The following STRADA variants were observed in gnomAD, a reference collection of about 807,000 sequenced individuals.
The protein encoded by STRADA is STE20-related kinase adapter protein alpha.
A neutral mutation model predicts 55.0 loss-of-function variants in STRADA; 26 were observed. The observed-to-expected ratio is 0.47, with a 90% confidence interval of 0.35 to 0.66. The LOEUF (loss-of-function observed/expected upper bound fraction) is 0.66, where lower values mean the gene tolerates loss of function less well. Ranked by LOEUF, STRADA falls within the 30% of genes least tolerant of loss-of-function variation. The pLI is 0.01. For missense variants in STRADA, 443 were observed against 549.7 expected (o/e 0.81, Z 1.94); for synonymous variants, 197 against 210.9 (o/e 0.93, Z 0.57).
rs57585655 is a variant in STRADA, at chr17:63,740,147, TACACAC to T, written c.-45+1588_-45+1593del. 1.2e-3 allele frequency among the ~76,000 whole-genome samples: 81 copies of T among 66,998 alleles called. 10 individuals are homozygous for T. The East Asian group carries it at 0.027, about 22-fold the overall frequency. 44.0% of individuals were successfully genotyped at this position (66,998 alleles called of 152,430 possible). On this transcript the variant is annotated intron_variant, in intron 1 of 12. Transcript: ENST00000336174. ...ATATATACACATACATATATATATA[TACACAC>T]ACACACACACACACACACACACACA...
At chr17:63,740,107 T>TATATATATATATATATATATATATACAC (rs1309095081) in intron 1 of STRADA, among the ~76,000 whole-genome samples, 558 of 49,446 alleles carry the variant, frequency 0.011, 51 homozygotes, top group African/African-American at 0.013. Flanking sequence ...TATATATATA[T>TATATATATATATATATATATATATACAC]ACATACATAC....
At chr17:63,734,885 C>T (rs566059248) in intron 1 of STRADA, among the ~76,000 whole-genome samples, 2 of 152,232 alleles carry the variant, frequency 1.3e-5, no homozygotes, top group South Asian at 2.1e-4. Context: ...TGGCTGGGCA[C>T]GGTGGCTCAC....
chr17:63,710,516 T>C lies in STRADA; in HGVS notation c.556A>G (p.Ile186Val), dbSNP rs974536314. Reference protein sequence around the residue: ...LQGVLKALDYIHHMGYVHRSV... With the variant: ...LQGVLKALDYVHHMGYVHRSV... ...CTGTGTACATATCCCATGTGGTGGA[T>C]GTAGTCGAGGGCCTTCAGCACCCCC... Residue 186 changes from isoleucine to valine, a missense_variant, in exon 8 of 13, where the codon ATC becomes GTC. By Grantham distance (29) the Ile-to-Val change is conservative. Transcript: ENST00000336174. 2.5e-6 allele frequency: 4 copies of C among 1,613,896 alleles called. No homozygotes were observed. Among genetic ancestry groups the C allele is most frequent in the Middle Eastern group, 3.3e-4 (2 of 5,986 alleles).
At chr17:63,704,690 G>A (rs948637604) in intron 10 of STRADA, 108 bp from the exon 11 acceptor site, 25 of 1,505,900 alleles carry the variant, frequency 1.7e-5, no homozygotes, top group African/African-American at 9.7e-5. Context: ...ATATGCAAAT[G>A]TGATCATTTG....
rs776375132 is a variant in STRADA, at chr17:63,704,052, A to C, written c.1101-5T>G. On this transcript the variant is annotated splice_polypyrimidine_tract_variant and splice_region_variant and intron_variant, in intron 11 of 12. Coordinates refer to ENST00000336174, the MANE Select transcript of STRADA (RefSeq NM_001003787.4). ...AGGAGGGTGCTGGCACTGGGCCTGG[A>C]GGGAAAGGGGAGGAGAGACCGCAGC... 1 of 1,613,284 alleles carries C rather than the reference A, an allele frequency of 6.2e-7. No individual in the cohort carries two copies. Among genetic ancestry groups the C allele is most frequent in the South Asian group, 1.1e-5 (1 of 90,994 alleles).
intron 4 of STRADA, among the ~76,000 whole-genome samples, chr17:63,722,305 A>C (rs1417872845): frequency 6.6e-6 from 1 of 152,266 alleles, no homozygotes; most frequent in Non-Finnish European, 1.5e-5. Context: ...AGTAAAGCAC[A>C]CAAAGACAAT....
Position 63,739,776 on chromosome 17 carries a change from A to ATATATACATATAATGTACATAATTATATG in STRADA, c.-45+1936_-45+1964dup, listed in dbSNP as rs200321820. Among the ~76,000 whole-genome samples, 200 of 134,954 alleles carry ATATATACATATAATGTACATAATTATATG rather than the reference A, an allele frequency of 1.5e-3. 1 individual carries two copies. The highest frequency in any genetic ancestry group is 2.3e-3 in the Non-Finnish European group (149 of 65,634). The allele number at this position is 134,954 out of a possible 152,430, so 88.5% of individuals were successfully genotyped here. On this transcript the variant is annotated intron_variant, in intron 1 of 12. Transcript: ENST00000336174. Reference sequence around the variant, plus strand: ...ATTATATATTTATGTATATATGTACATATATACATATAATGTACATAATTA... The same window carrying ATATATACATATAATGTACATAATTATATG: ...ATTATATATTTATGTATATATGTACATATATACATATAATGTACATAATTATATGTATATACATATAATGTACATAATTA...
chr17:63,714,271 C>A, intron 4 of STRADA, 163 bp from the exon 5 acceptor site: 1 of 628,476 alleles, frequency 1.6e-6, no homozygotes, highest in South Asian at 1.5e-5. Flanking sequence ...ACACTACATT[C>A]AGGGTAGTAA....
chr17:63,732,393 C>T (rs1288456573), intron 1 of STRADA, among the ~76,000 whole-genome samples: 2 of 152,110 alleles, frequency 1.3e-5, no homozygotes, highest in Non-Finnish European at 2.9e-5. Flanking sequence ...AACCACGGCT[C>T]ACTGCAACCT....
At chr17:63,738,834 AAATAATAAT>A (rs372982779) in intron 1 of STRADA, among the ~76,000 whole-genome samples, 29 of 146,238 alleles carry the variant, frequency 2.0e-4, no homozygotes, top group South Asian at 8.6e-4. Flanking sequence ...CTCCATCTCA[AAATAATAAT>A]AATAATAATA....
In STRADA at chr17:63,715,375, G is replaced by C. The variant is rs2036795637; in HGVS notation, c.124-1267C>G. 2.6e-5 allele frequency: 4 copies of C among 152,242 alleles called. No individual in the cohort carries two copies. The South Asian group carries it at 8.3e-4, about 31-fold the overall frequency. The allele number at this position is 152,242 out of a possible 1,614,324, so 9.4% of individuals were successfully genotyped here. A position where few individuals can be genotyped will look rare whatever the true frequency, so the allele number is the denominator to read the frequency against. On this transcript the variant is annotated intron_variant, in intron 4 of 12. Coordinates refer to ENST00000336174, the MANE Select transcript of STRADA (RefSeq NM_001003787.4). ...AATCAAAACGTGAGTACATGGCACA[G>C]GACCCAGGCCCAAACCAGTGAGATT... is the stretch of plus-strand genomic sequence containing the variant.
intron 10 of STRADA, chr17:63,705,985 C>T (rs559650412): frequency 2.0e-5 from 3 of 152,392 alleles, no homozygotes; most frequent in African/African-American, 7.2e-5. Flanking sequence ...TTAATTAGAG[C>T]CTGCATCCTG....
intron 10 of STRADA, chr17:63,706,283 T>C (rs1259588102): frequency 5.8e-6 from 1 of 172,454 alleles, no homozygotes; most frequent in East Asian, 1.6e-4. Context: ...AATTAGAAAC[T>C]GACCTTCCAG....
At chr17:63,731,267 T>C (rs1166074506) in intron 1 of STRADA, among the ~76,000 whole-genome samples, 1 of 143,136 alleles carries the variant, frequency 7.0e-6, no homozygotes. Flanking sequence ...TTTTTTTTTT[T>C]TTTTTTTTTT....
rs113768368 is a variant in STRADA, at chr17:63,711,658, G to T, written c.349-822C>A. On this transcript the variant is annotated intron_variant, in intron 6 of 12. Coordinates refer to ENST00000336174, the MANE Select transcript of STRADA (RefSeq NM_001003787.4). ...TCTATTATAAAAGAAAACATGGCCG[G>T]GCATGGTGGCTCACGCCTGTAATCC... is the stretch of plus-strand genomic sequence containing the variant. Among the ~76,000 whole-genome samples, 506 of 152,102 alleles carry T rather than the reference G, an allele frequency of 3.3e-3. 3 individuals carry two copies. The highest frequency in any genetic ancestry group is 5.6e-3 in the Non-Finnish European group (383 of 67,986).
intron 3 of STRADA, chr17:63,723,560 G>C (rs2037451966): frequency 1.8e-6 from 1 of 544,934 alleles, no homozygotes; most frequent in South Asian, 2.3e-5. Flanking sequence ...AGGTGGCAAG[G>C]CTACTACTCT....
chr17:63,704,140 C>A, intron 11 of STRADA, 93 bp from the exon 12 acceptor site: 1 of 1,548,900 alleles, frequency 6.5e-7, no homozygotes, highest in East Asian at 2.3e-5. Context: ...CGGGTCCCCT[C>A]TCCCTCTCCC....
At chr17:63,730,374 T>C (rs959476862) in intron 1 of STRADA, among the ~76,000 whole-genome samples, 3 of 152,006 alleles carry the variant, frequency 2.0e-5, no homozygotes, top group Admixed American at 2.0e-4. Flanking sequence ...TAACTGCTTT[T>C]TAGGCCAGTT....
chr17:63,738,493 T>C (rs944405831), intron 1 of STRADA, among the ~76,000 whole-genome samples: 1 of 152,130 alleles, frequency 6.6e-6, no homozygotes, highest in Non-Finnish European at 1.5e-5. Flanking sequence ...GTCTCTCCTG[T>C]CAGTGGAAAG....
Sources: gnomAD v4.1 joint callset for allele counts (sites outside exome capture counted in the v4.1 genomes callset) on GRCh38, gnomAD v4.1.1 for gene constraint, MANE v1.5 for transcripts, NCBI Gene and HGNC (gene_info 2026-07-23, HGNC 2026-07-21) for gene names.